The following TNIP3 variants were observed in gnomAD, a reference collection of about 807,000 sequenced individuals.
TNIP3 encodes TNFAIP3-interacting protein 3.
A neutral mutation model predicts 54.1 loss-of-function variants in TNIP3; 34 were observed. That is an observed-to-expected ratio of 0.63 (90% CI 0.48 to 0.84). TNIP3 has a LOEUF of 0.84. Ranked by LOEUF, TNIP3 falls within the 40% of genes least tolerant of loss-of-function variation. TNIP3 has a pLI of 0.00. For synonymous variants in TNIP3, 134 were observed against 136.8 expected, an observed-to-expected ratio of 0.98 and a Z score of 0.14; for missense variants, 366 against 387.6, an observed-to-expected ratio of 0.94 and a Z score of 0.47.
chr4:121,226,522 A>G (rs1022669169), intron 1 of TNIP3, among the ~76,000 whole-genome samples: 2 of 152,186 alleles, frequency 1.3e-5, no homozygotes, highest in Non-Finnish European at 2.9e-5. Flanking sequence ...TTGAAAGGAC[A>G]CTCTGGGAGT....
chr4:121,142,391 G>A (rs543941346), intron 8 of TNIP3, among the ~76,000 whole-genome samples: 3 of 152,294 alleles, frequency 2.0e-5, no homozygotes, highest in Admixed American at 2.0e-4. Context: ...TTTTTCAAAA[G>A]AGGCAGTATT....
At chr4:121,181,859 A>G (rs1435566606) in intron 3 of TNIP3, among the ~76,000 whole-genome samples, 2 of 152,210 alleles carry the variant, frequency 1.3e-5, no homozygotes, top group Admixed American at 1.3e-4. Flanking sequence ...ACACTCCATT[A>G]TCTCCACAAT....
chr4:121,142,878 T>C, intron 7 of TNIP3, 102 bp from the exon 8 acceptor site: 1 of 917,694 alleles, frequency 1.1e-6, no homozygotes, highest in Non-Finnish European at 1.7e-6. Flanking sequence ...ACAGCAGTAA[T>C]ACCAACAAAA....
chr4:121,182,735 G>A (rs1191714147), exon 3 of TNIP3: 14 of 1,534,054 alleles, frequency 9.1e-6, no homozygotes, highest in Non-Finnish European at 9.6e-6. Flanking sequence ...CGTTTTGGAT[G>A]AGGAGACGCA....
At chr4:121,142,931 A>C (rs1729207875) in intron 7 of TNIP3, among the ~76,000 whole-genome samples, 155 bp from the exon 8 acceptor site, 1 of 152,344 alleles carries the variant, frequency 6.6e-6, no homozygotes, top group South Asian at 2.1e-4. Context: ...TGATTCTTAA[A>C]ATTTCCAGTT....
chr4:121,164,358 C>T (rs1730642466), upstream of TNIP3: 1 of 1,280,410 alleles, frequency 7.8e-7, no homozygotes, highest in Admixed American at 3.5e-5. Flanking sequence ...TTTAACTTTT[C>T]TTCTCTTCCA....
chr4:121,196,026 G>T (rs1725561340), intron 2 of TNIP3, among the ~76,000 whole-genome samples: 1 of 152,210 alleles, frequency 6.6e-6, no homozygotes, highest in African/African-American at 2.4e-5. Context: ...GCCAGGCACT[G>T]CATTAAACAC....
intron 2 of TNIP3, among the ~76,000 whole-genome samples, chr4:121,201,340 G>T (rs1397413837): frequency 2.0e-5 from 3 of 152,182 alleles, no homozygotes; most frequent in Non-Finnish European, 2.9e-5. Context: ...TTACAAAGCA[G>T]CAGGGTCCAG....
chr4:121,203,965 T>A (rs1278280960), intron 2 of TNIP3, among the ~76,000 whole-genome samples: 1 of 148,674 alleles, frequency 6.7e-6, no homozygotes, highest in Non-Finnish European at 1.5e-5. Context: ...ATATATATAT[T>A]TTAAATTAAA....
chr4:121,138,544 A>T, intron 10 of TNIP3, 80 bp downstream of exon 10: 3 of 1,324,050 alleles, frequency 2.3e-6, no homozygotes, highest in Non-Finnish European at 3.3e-6. Flanking sequence ...GTACGAATGA[A>T]TGTATGTTGA....
chr4:121,193,910 A>G (rs1330941434), intron 2 of TNIP3, among the ~76,000 whole-genome samples: 2 of 152,204 alleles, frequency 1.3e-5, no homozygotes, highest in Non-Finnish European at 2.9e-5. Context: ...TCTACAGAAT[A>G]TCAAGCCTAT....
chr4:121,157,576 C>A (rs1322720329), intron 3 of TNIP3, among the ~76,000 whole-genome samples: 1 of 152,164 alleles, frequency 6.6e-6, no homozygotes, highest in Non-Finnish European at 1.5e-5. Context: ...TCCAGGTGAG[C>A]CTAGCCTGGT....
At chr4:121,220,384 C>T (rs1203888968), upstream of TNIP3, among the ~76,000 whole-genome samples, 1 of 152,130 alleles carries the variant, frequency 6.6e-6, no homozygotes, top group Non-Finnish European at 1.5e-5. Context: ...CACAATAAAT[C>T]CTTGGTGAAT....
Position 121,161,271 on chromosome 4 carries a change from G to A in TNIP3, c.67-55C>T, listed in dbSNP as rs1435636160. 14 of 1,456,780 alleles carry A rather than the reference G, an allele frequency of 9.6e-6. No homozygotes were observed. The Admixed American group carries it at 3.2e-4, about 34-fold the overall frequency. The allele number at this position is 1,456,780 out of a possible 1,614,324, so 90.2% of individuals were successfully genotyped here. ...AACAAAGCTGTTTACAAAATAAACA[G>A]AAGTACTGTTCCTCAGAAACCCCAT... On this transcript the variant is annotated intron_variant, in intron 1 of 10. Coordinates refer to ENST00000057513, the MANE Select transcript of TNIP3 (RefSeq NM_024873.6).
In TNIP3 at chr4:121,142,656, T is replaced by A. The variant is rs1432512004; in HGVS notation, c.786+70A>T. 10 of 1,391,436 alleles carry A rather than the reference T, an allele frequency of 7.2e-6. No individual in the cohort carries two copies. The East Asian group carries it at 1.8e-4, about 25-fold the overall frequency. The allele number at this position is 1,391,436 out of a possible 1,614,324, so 86.2% of individuals were successfully genotyped here. On this transcript the variant is annotated intron_variant, in intron 8 of 10. Coordinates refer to ENST00000057513, the MANE Select transcript of TNIP3 (RefSeq NM_024873.6). Reference sequence around the variant, plus strand: ...TCACCTGTAGCAGAGCTTGAACATGTCTTTAATTGGGACAATGAGAAATGC... The same window carrying A: ...TCACCTGTAGCAGAGCTTGAACATGACTTTAATTGGGACAATGAGAAATGC...
At chr4:121,221,797 A>G (rs767905544) in intron 1 of TNIP3, among the ~76,000 whole-genome samples, 41 of 152,236 alleles carry the variant, frequency 2.7e-4, no homozygotes, top group Non-Finnish European at 2.4e-4. Flanking sequence ...AAAGGTGTCA[A>G]ATCAGGGGAC....
At chr4:121,151,430 T>C (rs559780618) in intron 5 of TNIP3, among the ~76,000 whole-genome samples, 11 of 152,322 alleles carry the variant, frequency 7.2e-5, no homozygotes, top group South Asian at 4.1e-4. Context: ...ACACAAATAC[T>C]GTCTAGCCTG....
In TNIP3 at chr4:121,213,994, C is replaced by T. The variant is rs575817722; in HGVS notation, c.68+2421G>A. Among the ~76,000 whole-genome samples the T allele has an allele frequency of 4.9e-4, 75 of 152,170 alleles. No individual in the cohort carries two copies. The South Asian group carries it at 0.01, about 21-fold the overall frequency. The stretch of plus-strand genomic sequence containing the variant: ...TACTGACAATCAAAAGTATTCCTTC[C>T]GCTCCTTTATTTTCCTTTGAAAGGA... On this transcript the variant is annotated intron_variant, in intron 2 of 12. Transcript: ENST00000507879.
chr4:121,145,895 T>G (rs1729398455), intron 7 of TNIP3, among the ~76,000 whole-genome samples: 1 of 151,648 alleles, frequency 6.6e-6, no homozygotes. Flanking sequence ...GAGACTAGCT[T>G]GAACCTGGGA....
Sources: gnomAD v4.1 joint callset for allele counts (sites outside exome capture counted in the v4.1 genomes callset) on GRCh38, gnomAD v4.1.1 for gene constraint, MANE v1.5 for transcripts, NCBI Gene and HGNC (gene_info 2026-07-23, HGNC 2026-07-21) for gene names.